Variants in DPP10 observed in about 807,000 individuals in gnomAD.
DPP10 encodes the protein dipeptidyl peptidase like 10, also known as inactive dipeptidyl peptidase 10.
In DPP10, 33 loss-of-function variants were observed where a neutral mutation model predicts 120.9. That is an observed-to-expected ratio of 0.27 (90% CI 0.21 to 0.37). The LOEUF (loss-of-function observed/expected upper bound fraction) is 0.37. DPP10 is among the 10% of genes least tolerant of loss of function. DPP10 has a pLI of 1.00. For missense variants in DPP10, 816 were observed against 942.8 expected (o/e 0.87, Z 1.76); for synonymous variants, 337 against 326.1 (o/e 1.03, Z -0.36).
At chr2:115,470,170 G>A (rs767113488) in intron 3 of DPP10, among the ~76,000 whole-genome samples, 16 of 152,088 alleles carry the variant, frequency 1.1e-4, no homozygotes, top group Non-Finnish European at 1.5e-4. Flanking sequence ...TGTTCAACTC[G>A]GATATCTAGT....
At chr2:114,909,352 A>C (rs868032660) in intron 1 of DPP10, among the ~76,000 whole-genome samples, 9 of 152,062 alleles carry the variant, frequency 5.9e-5, no homozygotes, top group African/African-American at 2.2e-4. Flanking sequence ...ATAATTCTTT[A>C]GCTGGAAGAG....
intron 3 of DPP10, among the ~76,000 whole-genome samples, chr2:115,347,046 A>G (rs1210862615): frequency 6.6e-6 from 1 of 152,202 alleles, no homozygotes; most frequent in Non-Finnish European, 1.5e-5. Context: ...GTCACAGCCA[A>G]CACTGCTGTA....
intron 1 of DPP10, among the ~76,000 whole-genome samples, chr2:114,941,374 G>A (rs553409500): frequency 6.6e-6 from 1 of 152,178 alleles, no homozygotes; most frequent in East Asian, 1.9e-4. Context: ...AAAATCTAAA[G>A]ATCAAACAGT....
intron 3 of DPP10, 105 bp from the exon 4 acceptor site, chr2:115,499,405 A>G: frequency 1.2e-6 from 1 of 869,132 alleles, no homozygotes. Flanking sequence ...AAGGCTAAAA[A>G]TGATTATTCT....
At chr2:115,590,534 A>G (rs1452486914) in intron 5 of DPP10, among the ~76,000 whole-genome samples, 1 of 152,186 alleles carries the variant, frequency 6.6e-6, no homozygotes, top group Non-Finnish European at 1.5e-5. Flanking sequence ...TCCATGGTGT[A>G]TATGTGCCAC....
intron 1 of DPP10, among the ~76,000 whole-genome samples, chr2:114,724,628 T>A (rs1213818506): frequency 6.6e-6 from 1 of 152,174 alleles, no homozygotes; most frequent in East Asian, 1.9e-4. Context: ...GAGGTAGAGT[T>A]TTAGCATTAA....
intron 7 of DPP10, among the ~76,000 whole-genome samples, chr2:115,711,263 T>C (rs2092305316): frequency 6.6e-6 from 1 of 152,066 alleles, no homozygotes. Flanking sequence ...ATAGAGACCT[T>C]ACAAAAGAAA....
In DPP10 at chr2:114,539,092, C is replaced by A. The variant is rs369387541; in HGVS notation, c.60+96254C>A. 1.5e-4 allele frequency among the ~76,000 whole-genome samples: 22 copies of A among 151,364 alleles called. No individual in the cohort carries two copies. The East Asian group carries it at 3.1e-3, about 21-fold the overall frequency. ...TAACCTTTAATTGCCACATAGCAGA[C>A]AAAGTGATGTTTTTAAAATAAAAAT... On this transcript the variant is annotated intron_variant, in intron 1 of 25. Transcript: ENST00000410059.
chr2:115,083,436 C>T (rs184367760), intron 1 of DPP10, among the ~76,000 whole-genome samples: 1 of 152,254 alleles, frequency 6.6e-6, no homozygotes, highest in African/African-American at 2.4e-5. Flanking sequence ...CTGGCTATTC[C>T]TCTATTTCAC....
intron 1 of DPP10, among the ~76,000 whole-genome samples, chr2:114,881,616 C>CTATT (rs1428538787): frequency 6.6e-6 from 1 of 151,770 alleles, no homozygotes; most frequent in African/African-American, 2.4e-5. Flanking sequence ...ATCTATCTAT[C>CTATT]TATCTATCTA....
chr2:115,278,429 G>A (rs553349346), intron 1 of DPP10, among the ~76,000 whole-genome samples: 2 of 152,196 alleles, frequency 1.3e-5, no homozygotes, highest in South Asian at 2.1e-4. Context: ...GAATCTGACT[G>A]CTCAAAAGCT....
chr2:115,775,363 T>C (rs1161336010), intron 13 of DPP10, among the ~76,000 whole-genome samples: 2 of 151,900 alleles, frequency 1.3e-5, no homozygotes, highest in African/African-American at 4.8e-5. Flanking sequence ...ACTTGGACAG[T>C]TCCAAAGTAT....
chr2:114,492,159 T>C (rs6761461), intron 1 of DPP10, among the ~76,000 whole-genome samples: 19,235 of 152,164 alleles, frequency 0.13, 2,908 homozygotes, highest in African/African-American at 0.36. Context: ...ATTCATACTC[T>C]AAATATTATT....
intron 1 of DPP10, among the ~76,000 whole-genome samples, chr2:115,253,904 C>T (rs1478221137): frequency 6.6e-6 from 1 of 152,218 alleles, no homozygotes; most frequent in Non-Finnish European, 1.5e-5. Flanking sequence ...GCCCTCCAAC[C>T]CCATATTTCC....
intron 3 of DPP10, among the ~76,000 whole-genome samples, chr2:115,384,407 GGAGAAGA>G (rs2066695735): frequency 3.3e-5 from 4 of 119,748 alleles, no homozygotes; most frequent in African/African-American, 5.0e-5. Context: ...AGAAGGAGAA[GGAGAAGA>G]AGAAGAAGAA....
intron 7 of DPP10, among the ~76,000 whole-genome samples, chr2:115,719,862 C>T (rs1184557342): frequency 6.6e-6 from 1 of 152,126 alleles, no homozygotes; most frequent in Non-Finnish European, 1.5e-5. Context: ...AGAAACAAAA[C>T]ATCGTTCACA....
intron 1 of DPP10, among the ~76,000 whole-genome samples, chr2:115,148,462 T>G (rs1160208967): frequency 1.3e-5 from 2 of 152,168 alleles, no homozygotes; most frequent in Admixed American, 6.5e-5. Flanking sequence ...GTGTCTGCAT[T>G]CTGCTTTCAA....
At chr2:115,129,682 C>T (rs1006253699) in intron 1 of DPP10, among the ~76,000 whole-genome samples, 3 of 152,134 alleles carry the variant, frequency 2.0e-5, no homozygotes, top group Admixed American at 6.6e-5. Context: ...ACTGATTACA[C>T]CTGATAGCCC....
chr2:114,517,308 G>A (rs1684673021), intron 1 of DPP10, among the ~76,000 whole-genome samples: 1 of 152,142 alleles, frequency 6.6e-6, no homozygotes, highest in Non-Finnish European at 1.5e-5. Flanking sequence ...ATCACCTGAT[G>A]TCAGGAGTTC....
Sources: gnomAD v4.1 joint callset for allele counts (sites outside exome capture counted in the v4.1 genomes callset) on GRCh38, gnomAD v4.1.1 for gene constraint, MANE v1.5 for transcripts, NCBI Gene and HGNC (gene_info 2026-07-23, HGNC 2026-07-21) for gene names.